Variants in BBX observed in about 807,000 individuals in gnomAD.
BBX encodes BBX high mobility group box domain containing.
A neutral mutation model predicts 100.2 loss-of-function variants in BBX; 30 were observed. That is an observed-to-expected ratio of 0.30 (90% CI 0.22 to 0.41). The LOEUF is 0.41. BBX is among the 10% of genes least tolerant of loss of function. The pLI is 1.00. For synonymous variants in BBX, 376 were observed against 388.1 expected (o/e 0.97, Z 0.37); for missense variants, 1,023 against 1,129.8 (o/e 0.91, Z 1.35).
At chr3:107,713,959 A>ATT (rs1233095247) in intron 4 of BBX, among the ~76,000 whole-genome samples, 1 of 102,392 alleles carries the variant, frequency 9.8e-6, no homozygotes, top group Admixed American at 9.7e-5. Context: ...TTTTTTAATA[A>ATT]TTTTTTTCTT....
intron 10 of BBX, among the ~76,000 whole-genome samples, chr3:107,759,409 C>G (rs980062805): frequency 6.6e-6 from 1 of 152,110 alleles, no homozygotes; most frequent in Admixed American, 6.5e-5. Flanking sequence ...TGTGCAGGTA[C>G]TATAAGGTAT....
chr3:107,753,569 T>C (rs2065241374), intron 9 of BBX, among the ~76,000 whole-genome samples: 1 of 152,184 alleles, frequency 6.6e-6, no homozygotes, highest in African/African-American at 2.4e-5. Context: ...TTGCTTTAAC[T>C]CTAAAGGCAG....
At chr3:107,712,180 C>T (rs2061767366) in intron 4 of BBX, among the ~76,000 whole-genome samples, 1 of 152,156 alleles carries the variant, frequency 6.6e-6, no homozygotes, top group Non-Finnish European at 1.5e-5. Context: ...TCTGGCCCCT[C>T]TTTCTATTTC....
chr3:107,759,437 T>C (rs1373542483), intron 10 of BBX, among the ~76,000 whole-genome samples: 1 of 152,178 alleles, frequency 6.6e-6, no homozygotes, highest in East Asian at 1.9e-4. Flanking sequence ...CCTTTCGTTT[T>C]GAAATTAATT....
chr3:107,760,044 C>T (rs182496260), intron 10 of BBX, among the ~76,000 whole-genome samples: 1 of 152,206 alleles, frequency 6.6e-6, no homozygotes, highest in Admixed American at 6.5e-5. Flanking sequence ...CAACTATCCT[C>T]TGAGGTAGCT....
intron 3 of BBX, among the ~76,000 whole-genome samples, chr3:107,697,968 C>G (rs541440835): frequency 6.6e-6 from 1 of 151,886 alleles, no homozygotes; most frequent in Non-Finnish European, 1.5e-5. Flanking sequence ...TTCCAGGGGC[C>G]GTCTGTCACC....
intron 2 of BBX, among the ~76,000 whole-genome samples, chr3:107,537,313 T>G (rs976154583): frequency 6.6e-6 from 1 of 152,190 alleles, no homozygotes; most frequent in Admixed American, 6.5e-5. Flanking sequence ...ATTCTACATA[T>G]ACCAAATAAT....
chr3:107,733,830 T>G (rs1313742343), intron 7 of BBX, among the ~76,000 whole-genome samples: 3 of 152,172 alleles, frequency 2.0e-5, no homozygotes, highest in Non-Finnish European at 4.4e-5. Context: ...CATGATCTAG[T>G]TATTGGACTG....
intron 3 of BBX, among the ~76,000 whole-genome samples, chr3:107,698,041 C>G (rs1042861725): frequency 6.6e-6 from 1 of 151,872 alleles, no homozygotes; most frequent in Non-Finnish European, 1.5e-5. Context: ...GGCAATGCCT[C>G]GCCCTGCTTT....
intron 5 of BBX, among the ~76,000 whole-genome samples, chr3:107,720,799 CA>C (rs1461651484): frequency 2.6e-5 from 4 of 151,912 alleles, no homozygotes; most frequent in Non-Finnish European, 4.4e-5. Context: ...TTCTTCAAGA[CA>C]AAATGAATCT....
In BBX at chr3:107,666,781, G is replaced by A. The variant is rs1047753648; in HGVS notation, c.-10+20872G>A. 6.6e-5 allele frequency among the ~76,000 whole-genome samples: 10 copies of A among 152,144 alleles called. No homozygotes were observed. The East Asian group carries it at 1.7e-3, about 27-fold the overall frequency. On this transcript the variant is annotated intron_variant, in intron 3 of 17. Coordinates refer to ENST00000325805, the MANE Select transcript of BBX (RefSeq NM_001142568.3). ...GAGACGGGGTTTCACCACGTTGGCC[G>A]GGATGGTCTCAATCTCTTGACCTCA...
chr3:107,655,883 G>T (rs570927503), intron 3 of BBX, among the ~76,000 whole-genome samples: 1 of 151,828 alleles, frequency 6.6e-6, no homozygotes, highest in Non-Finnish European at 1.5e-5. Flanking sequence ...TGTATTTTTA[G>T]TGGAGATGGG....
intron 7 of BBX, among the ~76,000 whole-genome samples, chr3:107,740,282 CTCCT>C (rs900280203): frequency 6.6e-6 from 1 of 151,778 alleles, no homozygotes; most frequent in African/African-American, 2.4e-5. Flanking sequence ...CCTTCCAAAC[CTCCT>C]TCCATCTCTC....
intron 13 of BBX, among the ~76,000 whole-genome samples, chr3:107,780,901 T>C (rs2067811663): frequency 2.6e-5 from 4 of 152,032 alleles, no homozygotes; most frequent in African/African-American, 9.7e-5. Flanking sequence ...GCAAACATTG[T>C]GTATGAGATC....
In BBX at chr3:107,808,626, C is replaced by T. The variant is rs1469617895; in HGVS notation, c.*3169C>T. ...TGAAAGAAAAAATACTGTAAGACAT[C>T]CTTAAAGTTTTTATTTGTTTGGGTA... On this transcript the variant is annotated 3_prime_UTR_variant, in exon 18 of 18. Coordinates refer to ENST00000325805, the MANE Select transcript of BBX (RefSeq NM_001142568.3). 1 of 152,074 alleles carries T rather than the reference C, an allele frequency of 6.6e-6. No homozygotes were observed. Among genetic ancestry groups the T allele is most frequent in the African/African-American group, 2.4e-5 (1 of 41,406 alleles). The allele number at this position is 152,074 out of a possible 1,614,324, so 9.4% of individuals were successfully genotyped here.
At chr3:107,661,159 G>A (rs1014587199) in intron 3 of BBX, among the ~76,000 whole-genome samples, 1 of 151,716 alleles carries the variant, frequency 6.6e-6, no homozygotes, top group Non-Finnish European at 1.5e-5. Flanking sequence ...TTTTTTTATG[G>A]TATATCTTAA....
At chr3:107,676,674 G>A (rs1200227738) in intron 3 of BBX, among the ~76,000 whole-genome samples, 1 of 151,970 alleles carries the variant, frequency 6.6e-6, no homozygotes, top group African/African-American at 2.4e-5. Flanking sequence ...GAGATAACTG[G>A]GCTGTTCCTT....
chr3:107,673,909 G>A (rs1249497244), intron 3 of BBX, among the ~76,000 whole-genome samples: 2 of 152,144 alleles, frequency 1.3e-5, no homozygotes, highest in Non-Finnish European at 2.9e-5. Context: ...TTTGACAAAA[G>A]AGGCACTGTC....
At chr3:107,646,361 G>A (rs2057519860) in intron 3 of BBX, among the ~76,000 whole-genome samples, 3 of 152,082 alleles carry the variant, frequency 2.0e-5, no homozygotes. Context: ...GGGTGTAGCT[G>A]CATCTTGAAA....
Sources: gnomAD v4.1 joint callset for allele counts (sites outside exome capture counted in the v4.1 genomes callset) on GRCh38, gnomAD v4.1.1 for gene constraint, MANE v1.5 for transcripts, NCBI Gene and HGNC (gene_info 2026-07-23, HGNC 2026-07-21) for gene names.